The following CACNB2 variants were observed in gnomAD, a reference collection of about 807,000 sequenced individuals.
CACNB2 encodes voltage-dependent L-type calcium channel subunit beta-2.
A neutral mutation model predicts 73.3 loss-of-function variants in CACNB2; 42 were observed. The ratio of observed to expected loss-of-function variants is 0.57; its 90% CI spans 0.45 to 0.74. The LOEUF (loss-of-function observed/expected upper bound fraction) is 0.74. Among genes scored for constraint, CACNB2 ranks in the 30% least tolerant of loss-of-function variants. CACNB2 has a pLI of 0.00. For synonymous variants in CACNB2, 348 were observed against 310.3 expected, an observed-to-expected ratio of 1.12 and a Z score of -1.28; for missense variants, 940 against 853.0, an observed-to-expected ratio of 1.10 and a Z score of -1.27.
intron 2 of CACNB2, among the ~76,000 whole-genome samples, chr10:18,349,584 A>G (rs1311426406): frequency 6.6e-6 from 1 of 152,138 alleles, no homozygotes; most frequent in Non-Finnish European, 1.5e-5. Context: ...AGACACAAGG[A>G]GACAAATACA....
chr10:18,526,939 ATCTC>A (rs547898251), intron 9 of CACNB2, among the ~76,000 whole-genome samples: 78 of 152,278 alleles, frequency 5.1e-4, no homozygotes, highest in African/African-American at 1.7e-3. Context: ...TGGATAAAAA[ATCTC>A]TCTGTGAGTC....
At position 18,219,000 on chromosome 10, in the gene CACNB2, C is replaced by CA. The variant is rs549400069; in HGVS notation, c.213+68032dup. Reference sequence around the variant, plus strand: ...GCAACATGGAGAAACCCTGTCTCTACAAAAAAATTTAAAAATTAGCCAGGT... The same window carrying CA: ...GCAACATGGAGAAACCCTGTCTCTACAAAAAAAATTTAAAAATTAGCCAGGT... On this transcript the variant is annotated intron_variant, in intron 2 of 13. Coordinates refer to ENST00000324631, the MANE Select transcript of CACNB2 (RefSeq NM_201596.3). Among the ~76,000 whole-genome samples, 439 of 152,216 alleles carry CA rather than the reference C, an allele frequency of 2.9e-3. 2 individuals are homozygous for CA. The highest frequency in any genetic ancestry group is 4.9e-3 in the Non-Finnish European group (336 of 68,016).
intron 2 of CACNB2, among the ~76,000 whole-genome samples, chr10:18,245,942 G>T (rs1438689533): frequency 1.3e-5 from 2 of 152,202 alleles, no homozygotes; most frequent in African/African-American, 4.8e-5. Context: ...GTGGGTAGGT[G>T]CTGGGGAAGG....
intron 2 of CACNB2, chr10:18,261,266 C>A (rs1293829852): frequency 6.4e-7 from 1 of 1,551,318 alleles, no homozygotes; most frequent in Non-Finnish European, 8.7e-7. Flanking sequence ...TCTGCCCCCT[C>A]TTCATGCAGT....
chr10:18,261,506 G>A (rs894165068), intron 2 of CACNB2, among the ~76,000 whole-genome samples: 4 of 152,164 alleles, frequency 2.6e-5, no homozygotes, highest in Admixed American at 6.5e-5. Context: ...TTTTTTCCCA[G>A]AGATGTTTTT....
intron 2 of CACNB2, among the ~76,000 whole-genome samples, chr10:18,319,448 G>A (rs1439493798): frequency 3.9e-5 from 6 of 152,012 alleles, no homozygotes; most frequent in African/African-American, 1.4e-4. Flanking sequence ...GGCCTCTCAG[G>A]GGGTGGGGGG....
chr10:18,291,962 A>C (rs2039084417), intron 2 of CACNB2, among the ~76,000 whole-genome samples: 1 of 152,220 alleles, frequency 6.6e-6, no homozygotes, highest in Non-Finnish European at 1.5e-5. Context: ...GCTTGCTAAA[A>C]TATGAACTAT....
rs140988678 is a variant in CACNB2 at position 18,534,661 on chromosome 10, T to C, written c.1206+434T>C. ...GCAGTTTGAGGGGAAAAAAAGCCAATTTCACTTAATGTCCTTATAAAGTAG... is the reference window on the plus strand; with the variant it reads ...GCAGTTTGAGGGGAAAAAAAGCCAACTTCACTTAATGTCCTTATAAAGTAG... On this transcript the variant is annotated intron_variant, in intron 11 of 13. Transcript: ENST00000324631. Among the ~76,000 whole-genome samples the C allele has an allele frequency of 2.3e-3, 351 of 152,348 alleles. 2 individuals are homozygous for C. The highest frequency in any genetic ancestry group is 7.7e-3 in the African/African-American group (321 of 41,586).
intron 2 of CACNB2, among the ~76,000 whole-genome samples, chr10:18,321,594 C>T (rs547775723): frequency 1.1e-4 from 17 of 152,280 alleles, no homozygotes; most frequent in African/African-American, 2.9e-4. Context: ...CCCCATGCTC[C>T]GTGATGTGCT....
At chr10:18,275,718 C>T (rs1002362803) in intron 2 of CACNB2, among the ~76,000 whole-genome samples, 1 of 152,040 alleles carries the variant, frequency 6.6e-6, no homozygotes, top group Admixed American at 6.6e-5. Flanking sequence ...ATTTTATTCT[C>T]CCATGCAACT....
At chr10:18,419,584 A>C (rs1168411253) in intron 3 of CACNB2, among the ~76,000 whole-genome samples, 1 of 152,196 alleles carries the variant, frequency 6.6e-6, no homozygotes, top group Non-Finnish European at 1.5e-5. Context: ...AATGATCAAA[A>C]GTCCAATAAA....
rs1010330744 is a variant in CACNB2, at chr10:18,437,429, G to A, written c.333+35386G>A. Among the ~76,000 whole-genome samples the A allele has an allele frequency of 3.3e-5, 5 of 152,254 alleles. No homozygotes were observed. The East Asian group carries it at 9.6e-4, about 29-fold the overall frequency. On this transcript the variant is annotated intron_variant, in intron 3 of 13. Transcript: ENST00000324631. ...CCAAATAGCGTATCGTTGACCCAAA[G>A]CTTTACCAATATCATAAAAGGTTGG...
In CACNB2 at chr10:18,518,888, TTTA is replaced by T. The variant is rs749170011; in HGVS notation, c.886-19_886-17del. On this transcript the variant is annotated intron_variant, in intron 8 of 13. Coordinates refer to ENST00000324631, the MANE Select transcript of CACNB2 (RefSeq NM_201596.3). ...GTAATTTTTTTTGGTCATATCTTAATTTATTGCTTGCTCAATTGCAGGTCACAG... is the reference window on the plus strand; with the variant it reads ...GTAATTTTTTTTGGTCATATCTTAATTTGCTTGCTCAATTGCAGGTCACAG... 8 of 1,609,262 alleles carry T rather than the reference TTTA, an allele frequency of 5.0e-6. No individual in the cohort carries two copies. In the African/African-American group the frequency reaches 9.4e-5, roughly 19 times the overall value.
At chr10:18,311,322 A>C (rs926855862) in intron 2 of CACNB2, among the ~76,000 whole-genome samples, 7 of 152,124 alleles carry the variant, frequency 4.6e-5, no homozygotes, top group African/African-American at 7.2e-5. Context: ...TTGTTTTCTT[A>C]GTAGTCTTCT....
At chr10:18,291,808 A>G (rs956479505) in intron 2 of CACNB2, among the ~76,000 whole-genome samples, 1 of 152,254 alleles carries the variant, frequency 6.6e-6, no homozygotes, top group African/African-American at 2.4e-5. Context: ...TTAAGCAGAA[A>G]CACATGCTTT....
In CACNB2 at chr10:18,394,855, C is replaced by T. The variant is rs146512943; in HGVS notation, c.214-7069C>T. On this transcript the variant is annotated intron_variant, in intron 2 of 13. Transcript: ENST00000324631. ...GTATAATATAAAACAATCTTCAAAA[C>T]GCACTCTTTTAGCCTCTAAGTAATT... 5.9e-3 allele frequency among the ~76,000 whole-genome samples: 891 copies of T among 152,232 alleles called. 13 individuals are homozygous for T. Among genetic ancestry groups the T allele is most frequent in the African/African-American group, 0.019 (806 of 41,536 alleles).
chr10:18,423,320 C>T (rs1198631868), intron 3 of CACNB2, among the ~76,000 whole-genome samples: 2 of 152,132 alleles, frequency 1.3e-5, no homozygotes, highest in Non-Finnish European at 2.9e-5. Context: ...GTGGAGATAA[C>T]GTGAAGAGCT....
At chr10:18,380,246 C>G (rs1250244245) in intron 2 of CACNB2, among the ~76,000 whole-genome samples, 1 of 150,820 alleles carries the variant, frequency 6.6e-6, no homozygotes. Context: ...TTTTTTGAAC[C>G]ACCAAATGGC....
chr10:18,161,889 A>G (rs566867403), intron 2 of CACNB2, among the ~76,000 whole-genome samples: 1 of 152,218 alleles, frequency 6.6e-6, no homozygotes, highest in South Asian at 2.1e-4. Context: ...AGATCACACC[A>G]CTGCACTCCA....
Sources: gnomAD v4.1 joint callset for allele counts (sites outside exome capture counted in the v4.1 genomes callset) on GRCh38, gnomAD v4.1.1 for gene constraint, MANE v1.5 for transcripts, NCBI Gene and HGNC (gene_info 2026-07-23, HGNC 2026-07-21) for gene names.